TOGARAM2: variants seen among roughly 807,000 people sequenced by gnomAD.
TOGARAM2 encodes TOG array regulator of axonemal microtubules protein 2.
Under a neutral mutation model 93.3 loss-of-function variants are expected in TOGARAM2, and 85 were observed. That is an observed-to-expected ratio of 0.91 (90% CI 0.76 to 1.09). TOGARAM2 has a LOEUF of 1.09. Ranked by LOEUF, TOGARAM2 falls within the 50% of genes least tolerant of loss-of-function variation. The pLI, the probability that TOGARAM2 is intolerant of heterozygous loss-of-function variation, is 0.00. For synonymous variants in TOGARAM2, 593 were observed against 552.8 expected, an observed-to-expected ratio of 1.07 and a Z score of -1.02; for missense variants, 1,277 against 1,334.5, an observed-to-expected ratio of 0.96 and a Z score of 0.67.
chr2:29,038,451 G>A (rs1455459888), intron 18 of TOGARAM2, among the ~76,000 whole-genome samples: 3 of 152,148 alleles, frequency 2.0e-5, no homozygotes, highest in African/African-American at 7.2e-5. Flanking sequence ...GGAGCCCAAA[G>A]GGTAAAATAT....
chr2:29,043,878 G>A (rs1053856392), intron 18 of TOGARAM2, among the ~76,000 whole-genome samples: 3 of 152,214 alleles, frequency 2.0e-5, no homozygotes, highest in African/African-American at 7.2e-5. Flanking sequence ...GAAACCAGGA[G>A]GTGTCAGCTA....
chr2:28,979,594 C>A (rs1256575665), upstream of TOGARAM2, among the ~76,000 whole-genome samples: 2 of 152,218 alleles, frequency 1.3e-5, no homozygotes, highest in Admixed American at 1.3e-4. Context: ...CTCCTGAGGG[C>A]AGGCTGTGCT....
chr2:29,014,435 C>G lies in TOGARAM2; in HGVS notation c.918C>G (p.Ala306=), dbSNP rs189941726. 9.8e-5 allele frequency: 157 copies of G among 1,609,902 alleles called. 2 individuals are homozygous for G. The African/African-American group carries it at 1.7e-3, about 17-fold the overall frequency. ...CCTCACCCATCAGAGACAGGCCTGC[C>G]GCTGCCAAGAAGCCTGCCCTGCCTT... ...PLASPIRDRP[A]AAKKPALPFS... Residue 306 remains alanine (A), a synonymous_variant, in exon 8 of 20, where the codon GCC becomes GCG. Coordinates refer to ENST00000379558, the MANE Select transcript of TOGARAM2 (RefSeq NM_199280.4).
intron 6 of TOGARAM2, among the ~76,000 whole-genome samples, chr2:29,008,602 A>C (rs569817923): frequency 6.6e-6 from 1 of 152,284 alleles, no homozygotes; most frequent in South Asian, 2.1e-4. Context: ...GATTACAGAC[A>C]TGCACCACCA....
chr2:29,006,422 CTG>C (rs1376573991), intron 6 of TOGARAM2, among the ~76,000 whole-genome samples: 4 of 49,982 alleles, frequency 8.0e-5, no homozygotes, highest in Admixed American at 2.2e-4. Flanking sequence ...TCATGTGTAT[CTG>C]TGTGTGTGCA....
Position 28,999,320 on chromosome 2 carries a change from C to T in TOGARAM2, c.279C>T (p.Asn93=). The part of the protein sequence containing the change: ...GWQARNGHPR[N]LRALSLGDQP... ...AGGCAAGGAATGGTCACCCCAGGAA[C>T]CTCAGGGCCTTGTCTTTGGGGGACC... The change falls in exon 4 of 20, where the codon AAC becomes AAT. Residue 93 remains asparagine, a synonymous_variant. Transcript: ENST00000379558. 1 of 1,613,922 alleles carries T rather than the reference C, an allele frequency of 6.2e-7. No homozygotes were observed. Among genetic ancestry groups the T allele is most frequent in the South Asian group, 1.1e-5 (1 of 91,028 alleles).
At chr2:28,995,412 G>A (rs538473883) in intron 2 of TOGARAM2, among the ~76,000 whole-genome samples, 2 of 152,328 alleles carry the variant, frequency 1.3e-5, no homozygotes, top group South Asian at 4.1e-4. Context: ...GCTTCATCCT[G>A]CATGGGCTGG....
chr2:29,035,348 C>A, intron 16 of TOGARAM2, 116 bp from the exon 17 acceptor site: 2 of 947,810 alleles, frequency 2.1e-6, no homozygotes, highest in Non-Finnish European at 1.4e-6. Flanking sequence ...GACTAACCTG[C>A]AGGTGACACT....
At chr2:29,007,424 C>A (rs1308842666) in intron 6 of TOGARAM2, among the ~76,000 whole-genome samples, 3 of 152,104 alleles carry the variant, frequency 2.0e-5, no homozygotes, top group Non-Finnish European at 2.9e-5. Flanking sequence ...TTGACCCTTG[C>A]TCCTAGTGCC....
intron 17 of TOGARAM2, 80 bp downstream of exon 17, chr2:29,035,736 G>A (rs563512379): frequency 1.5e-4 from 195 of 1,263,130 alleles, no homozygotes; most frequent in Non-Finnish European, 1.9e-4. Context: ...TCTGAATGGC[G>A]TTGGACATGT....
At chr2:29,044,023 A>G (rs576041876) in intron 18 of TOGARAM2, among the ~76,000 whole-genome samples, 3 of 152,338 alleles carry the variant, frequency 2.0e-5, no homozygotes, top group South Asian at 4.1e-4. Context: ...TGTTTTCACC[A>G]TTAGTGGCTC....
chr2:28,999,074 A>C, intron 3 of TOGARAM2, 107 bp from the exon 4 acceptor site: 1 of 1,187,756 alleles, frequency 8.4e-7, no homozygotes, highest in African/African-American at 1.5e-5. Context: ...GGGTTTCACC[A>C]GGCAAGTGGC....
At chr2:28,977,023 G>T (rs990104479), upstream of TOGARAM2, among the ~76,000 whole-genome samples, 5 of 152,140 alleles carry the variant, frequency 3.3e-5, no homozygotes, top group African/African-American at 1.2e-4. Flanking sequence ...ACCTGGGGGG[G>T]CGTGGCCTGT....
Position 29,035,612 on chromosome 2 carries a change from C to A in TOGARAM2, c.2374C>A (p.Leu792Ile). ...RMEGVGQLLE[L>I]CKAKTELVTA... ...GGAAGGCGTGGGGCAGCTCCTGGAGCTCTGCAAGGCCAAGACGGAGCTTGT... is the reference window on the plus strand; with the variant it reads ...GGAAGGCGTGGGGCAGCTCCTGGAGATCTGCAAGGCCAAGACGGAGCTTGT... Residue 792 changes from leucine to isoleucine, a missense_variant, in exon 17 of 20, where the codon CTC becomes ATC. By Grantham distance (5) the Leu-to-Ile change is conservative. Coordinates refer to ENST00000379558, the MANE Select transcript of TOGARAM2 (RefSeq NM_199280.4). 1 of 1,568,412 alleles carries A rather than the reference C, an allele frequency of 6.4e-7. No homozygotes were observed. Among genetic ancestry groups the A allele is most frequent in the South Asian group, 1.2e-5 (1 of 82,560 alleles).
chr2:29,000,707 C>T (rs1160471133), intron 4 of TOGARAM2, among the ~76,000 whole-genome samples: 3 of 152,136 alleles, frequency 2.0e-5, no homozygotes, highest in African/African-American at 4.8e-5. Context: ...CTCCCCTGTG[C>T]AGACTGCTCC....
intron 19 of TOGARAM2, chr2:29,045,872 G>C (rs1666713680): frequency 4.3e-6 from 1 of 231,300 alleles, no homozygotes; most frequent in Non-Finnish European, 8.6e-6. Context: ...CTCAACCTGT[G>C]TGCGTTTCTT....
At chr2:29,037,647 T>C (rs1402179104) in intron 18 of TOGARAM2, among the ~76,000 whole-genome samples, 1 of 152,114 alleles carries the variant, frequency 6.6e-6, no homozygotes, top group Non-Finnish European at 1.5e-5. Context: ...ACCGTGTCCT[T>C]GGCTGGAGGC....
chr2:28,971,989 A>C (rs1464403934), intron 1 of TOGARAM2, among the ~76,000 whole-genome samples: 2 of 152,236 alleles, frequency 1.3e-5, no homozygotes, highest in African/African-American at 2.4e-5. Flanking sequence ...AAATTGCTTC[A>C]TACTCTATCC....
chr2:29,017,744 A>G (rs1183218450), intron 9 of TOGARAM2, 48 bp from the exon 10 acceptor site: 2 of 1,512,006 alleles, frequency 1.3e-6, no homozygotes, highest in Non-Finnish European at 1.8e-6. Flanking sequence ...CATTGAGGCC[A>G]GGGGAAAACA....
Sources: gnomAD v4.1 joint callset for allele counts (sites outside exome capture counted in the v4.1 genomes callset) on GRCh38, gnomAD v4.1.1 for gene constraint, MANE v1.5 for transcripts, NCBI Gene and HGNC (gene_info 2026-07-23, HGNC 2026-07-21) for gene names.